Variants in HECW2 observed in about 807,000 individuals in gnomAD.
The protein encoded by HECW2 is HECT, C2 and WW domain containing E3 ubiquitin protein ligase 2.
A neutral mutation model predicts 175.2 loss-of-function variants in HECW2; 61 were observed. The observed-to-expected ratio is 0.35, with a 90% CI of 0.28 to 0.43. The LOEUF (loss-of-function observed/expected upper bound fraction) is 0.43. Among genes scored for constraint, HECW2 ranks in the 20% least tolerant of loss-of-function variants. The pLI is 1.00. For synonymous variants in HECW2, 671 were observed against 731.0 expected (o/e 0.92, Z 1.32); for missense variants, 1,524 against 2,000.5 (o/e 0.76, Z 4.54).
chr2:196,480,167 T>C (rs995789685), intron 1 of HECW2, among the ~76,000 whole-genome samples: 10 of 152,314 alleles, frequency 6.6e-5, no homozygotes, highest in South Asian at 2.1e-4. Context: ...CTGTCTGAAA[T>C]ATCTTTCCAC....
chr2:196,307,736 A>G (rs1272914957), intron 11 of HECW2, among the ~76,000 whole-genome samples, 199 bp downstream of exon 11: 3 of 152,194 alleles, frequency 2.0e-5, no homozygotes, highest in Non-Finnish European at 4.4e-5. Context: ...CAAACAAGGT[A>G]TATATGTGGG....
chr2:196,384,018 G>A (rs542821445), intron 2 of HECW2, among the ~76,000 whole-genome samples: 2 of 152,288 alleles, frequency 1.3e-5, no homozygotes, highest in South Asian at 2.1e-4. Flanking sequence ...TAGATGAGGT[G>A]AGCAACTAGC....
chr2:196,535,058 A>AC (rs1221919183), intron 1 of HECW2, among the ~76,000 whole-genome samples: 1 of 152,124 alleles, frequency 6.6e-6, no homozygotes, highest in African/African-American at 2.4e-5. Context: ...AACAAAAAAA[A>AC]AAAAACAAAA....
At chr2:196,235,411 T>C (rs919439213) in intron 21 of HECW2, among the ~76,000 whole-genome samples, 3 of 152,020 alleles carry the variant, frequency 2.0e-5, no homozygotes, top group African/African-American at 7.2e-5. Flanking sequence ...TATTTTTGTA[T>C]TTCTAAATTG....
chr2:196,491,640 A>C (rs2125388463), intron 1 of HECW2, among the ~76,000 whole-genome samples: 1 of 151,864 alleles, frequency 6.6e-6, no homozygotes, highest in East Asian at 1.9e-4. Context: ...AAAAAACAGA[A>C]AGTTTAAGCC....
chr2:196,344,841 A>G (rs143623576), intron 2 of HECW2, among the ~76,000 whole-genome samples: 1 of 152,310 alleles, frequency 6.6e-6, no homozygotes, highest in East Asian at 1.9e-4. Flanking sequence ...CTAAAAATGG[A>G]AAGATGGAGA....
chr2:196,313,261 T>C (rs2105734559), intron 10 of HECW2, among the ~76,000 whole-genome samples: 1 of 152,344 alleles, frequency 6.6e-6, no homozygotes, highest in East Asian at 1.9e-4. Context: ...TTCACTCATC[T>C]TAATGCTAAA....
chr2:196,265,497 C>T (rs1316147150), intron 17 of HECW2, among the ~76,000 whole-genome samples: 1 of 151,890 alleles, frequency 6.6e-6, no homozygotes. Context: ...TCCCCACCCC[C>T]AAAAGGAAAA....
In HECW2 at chr2:196,319,446, A is replaced by G. The variant is rs1691852623; in HGVS notation, c.1444T>C (p.Leu482=). The change falls in exon 9 of 29, where the codon TTG becomes CTG. Residue 482 remains leucine, a synonymous_variant. Coordinates refer to ENST00000644978, the MANE Select transcript of HECW2 (RefSeq NM_001348768.2). ...FQQDLGYPSS[L]EEEGGLIMFS... ...ATGATCAGGCCTCCCTCCTCCTCCA[A>G]GGAAGATGGGTAACCCAGGTCTTGC... The G allele has an allele frequency of 1.2e-6, 2 of 1,613,782 alleles. No homozygotes were observed. Among genetic ancestry groups the G allele is most frequent in the African/African-American group, 1.3e-5 (1 of 74,912 alleles).
intron 1 of HECW2, among the ~76,000 whole-genome samples, chr2:196,558,972 T>C (rs1422304100): frequency 6.6e-6 from 1 of 152,210 alleles, no homozygotes; most frequent in African/African-American, 2.4e-5. Flanking sequence ...AGGCACTATA[T>C]TAGGCTCTTA....
intron 1 of HECW2, among the ~76,000 whole-genome samples, chr2:196,499,900 T>C (rs1294103049): frequency 6.6e-6 from 1 of 152,182 alleles, no homozygotes; most frequent in Non-Finnish European, 1.5e-5. Context: ...GAGTTAATGA[T>C]TATGCTGTAT....
chr2:196,291,665 C>A (rs567566150), intron 14 of HECW2: 1 of 152,320 alleles, frequency 6.6e-6, no homozygotes, highest in Non-Finnish European at 1.5e-5. Flanking sequence ...GAGCATGGTT[C>A]CTGGAACCAG....
chr2:196,250,019 A>G (rs1374789901), intron 19 of HECW2, among the ~76,000 whole-genome samples: 2 of 152,260 alleles, frequency 1.3e-5, no homozygotes, highest in Non-Finnish European at 2.9e-5. Flanking sequence ...AGCCACATTT[A>G]GAGTGCTCAT....
At chr2:196,385,831 T>A (rs1694330806) in intron 2 of HECW2, among the ~76,000 whole-genome samples, 2 of 152,200 alleles carry the variant, frequency 1.3e-5, no homozygotes, top group South Asian at 4.1e-4. Flanking sequence ...TACTTAGGAA[T>A]TTGGTCCAAA....
In HECW2 at chr2:196,228,273, A is replaced by G; in HGVS notation, c.3765-19T>C. On this transcript the variant is annotated intron_variant, in intron 21 of 28. Transcript: ENST00000644978. ...ATCCAGCCTGTAACAAAAATCCACA[A>G]AAAGAATAATCTGTTACTTTTTTTC... 1 of 1,585,002 alleles carries G rather than the reference A, an allele frequency of 6.3e-7. No homozygotes were observed. The highest frequency in any genetic ancestry group is 8.5e-7 in the Non-Finnish European group (1 of 1,171,366).
At chr2:196,321,391 CTTTTTTT>C (rs10622627) in intron 7 of HECW2, among the ~76,000 whole-genome samples, 2 of 139,796 alleles carry the variant, frequency 1.4e-5, no homozygotes, top group African/African-American at 5.3e-5. Flanking sequence ...CTTTTTCTCT[CTTTTTTT>C]TTTTTTTGAG....
chr2:196,550,943 A>T (rs1689586717), intron 1 of HECW2, among the ~76,000 whole-genome samples: 1 of 152,242 alleles, frequency 6.6e-6, no homozygotes, highest in Non-Finnish European at 1.5e-5. Flanking sequence ...AAATTAATAT[A>T]AAAAAGAATT....
intron 2 of HECW2, among the ~76,000 whole-genome samples, chr2:196,412,661 T>A (rs1695146562): frequency 6.6e-6 from 1 of 152,236 alleles, no homozygotes; most frequent in African/African-American, 2.4e-5. Flanking sequence ...CACAGTCCCC[T>A]TCACAATTAC....
At chr2:196,281,417 C>T (rs1168547266) in intron 14 of HECW2, among the ~76,000 whole-genome samples, 7 of 151,982 alleles carry the variant, frequency 4.6e-5, no homozygotes, top group Admixed American at 3.9e-4. Context: ...GTAGGTGGAT[C>T]GCTTGAGCTC....
Sources: allele counts gnomAD v4.1 joint callset (sites outside exome capture counted in the v4.1 genomes callset), GRCh38; gene constraint gnomAD v4.1.1; transcripts MANE v1.5; gene names NCBI Gene and HGNC (gene_info 2026-07-23, HGNC 2026-07-21).